The following ATIC variants were observed in gnomAD, a reference collection of about 807,000 sequenced individuals.
The protein encoded by ATIC is bifunctional purine biosynthesis protein ATIC.
Under a neutral mutation model 72.5 loss-of-function variants are expected in ATIC, and 64 were observed. The ratio of observed to expected loss-of-function variants is 0.88; its 90% CI spans 0.72 to 1.09. The LOEUF is 1.09. Among genes scored for constraint, ATIC ranks in the 50% least tolerant of loss-of-function variants. The pLI is 0.00. For missense variants in ATIC, 787 were observed against 732.4 expected, an observed-to-expected ratio of 1.07 and a Z score of -0.86; for synonymous variants, 281 against 267.1, an observed-to-expected ratio of 1.05 and a Z score of -0.51.
chr2:215,343,518 G>A (rs1402237538), intron 12 of ATIC, among the ~76,000 whole-genome samples: 2 of 152,136 alleles, frequency 1.3e-5, no homozygotes, highest in East Asian at 1.9e-4. Context: ...TATATTTTTA[G>A]TAGAGATGGG....
At chr2:215,323,903 C>T (rs2052795396) in intron 4 of ATIC, among the ~76,000 whole-genome samples, 1 of 152,162 alleles carries the variant, frequency 6.6e-6, no homozygotes, top group Admixed American at 6.6e-5. Flanking sequence ...CCTGGGGTTA[C>T]AGGCATGTGC....
intron 2 of ATIC, among the ~76,000 whole-genome samples, chr2:215,316,401 C>T (rs2052709751): frequency 1.3e-5 from 2 of 152,144 alleles, no homozygotes; most frequent in South Asian, 2.1e-4. Flanking sequence ...AGAATCTACC[C>T]AGGAAATTCC....
At chr2:215,339,857 C>T (rs1477173778) in intron 12 of ATIC, among the ~76,000 whole-genome samples, 1 of 152,030 alleles carries the variant, frequency 6.6e-6, no homozygotes, top group Admixed American at 6.6e-5. Flanking sequence ...AGGATGGTCT[C>T]GATCTCCTAA....
downstream of ATIC, among the ~76,000 whole-genome samples, chr2:215,351,841 C>T (rs2053132986): frequency 6.6e-6 from 1 of 152,178 alleles, no homozygotes; most frequent in Admixed American, 6.5e-5. Flanking sequence ...GACACTTTCT[C>T]AGCCAGATGA....
intron 2 of ATIC, among the ~76,000 whole-genome samples, chr2:215,317,020 C>T (rs997629862): frequency 6.6e-6 from 1 of 152,200 alleles, no homozygotes; most frequent in Non-Finnish European, 1.5e-5. Flanking sequence ...GCCTTGGCCT[C>T]CCAAAGTGCT....
chr2:215,361,494 C>A, the ATIC span: 1 of 1,192,194 alleles, frequency 8.4e-7, no homozygotes, highest in Non-Finnish European at 1.3e-6. Context: ...GCTAACATCA[C>A]TCCAGTTTAG....
intron 7 of ATIC, among the ~76,000 whole-genome samples, 187 bp from the exon 8 acceptor site, chr2:215,332,195 T>C (rs1020464359): frequency 6.6e-6 from 1 of 151,754 alleles, no homozygotes; most frequent in African/African-American, 2.4e-5. Context: ...TGTGCATTTT[T>C]TTTAAAGATG....
At chr2:215,365,829 A>G in the ATIC span, 2 of 257,538 alleles carry the variant, frequency 7.8e-6, no homozygotes, top group South Asian at 8.4e-5. Flanking sequence ...TTTTTGAGAC[A>G]AAGTCTTTCT....
intron 1 of ATIC, 120 bp downstream of exon 1, chr2:215,312,281 G>T: frequency 6.9e-7 from 1 of 1,443,706 alleles, no homozygotes; most frequent in Non-Finnish European, 9.1e-7. Context: ...TTGAAAGCCA[G>T]CGTCCCCGCT....
At chr2:215,365,806 ATTTTTT>A in the ATIC span, 3 of 252,026 alleles carry the variant, frequency 1.2e-5, no homozygotes, top group South Asian at 1.0e-4. Context: ...TTTACTTTTT[ATTTTTT>A]TTTTTTTTTT....
chr2:215,329,035 A>C (rs2052861509), intron 7 of ATIC, among the ~76,000 whole-genome samples: 1 of 152,182 alleles, frequency 6.6e-6, no homozygotes, highest in Non-Finnish European at 1.5e-5. Context: ...AGCTTTTGAG[A>C]GCAGAAGCTG....
intron 12 of ATIC, among the ~76,000 whole-genome samples, chr2:215,340,566 T>C (rs62204770): frequency 0.015 from 2,337 of 152,296 alleles, 41 homozygotes; most frequent in Middle Eastern, 0.051. Context: ...CTGGATGGTG[T>C]TATTTTTCTC....
At chr2:215,327,931 T>C (rs999000032) in intron 7 of ATIC, among the ~76,000 whole-genome samples, 3 of 151,690 alleles carry the variant, frequency 2.0e-5, no homozygotes, top group Non-Finnish European at 4.4e-5. Flanking sequence ...GGAGTCTCGC[T>C]CTGTCACCCA....
In ATIC at chr2:215,318,786, A is replaced by G. The variant is rs376190742; in HGVS notation, c.223+553A>G. ...GAAACGCATAGACTGTTCTGGAACT[A>G]GCAACAGTTTTGTAAAATTCCTTTT... On this transcript the variant is annotated intron_variant, in intron 3 of 15. Coordinates refer to ENST00000236959, the MANE Select transcript of ATIC (RefSeq NM_004044.7). Among the ~76,000 whole-genome samples, 34 of 152,340 alleles carry G rather than the reference A, an allele frequency of 2.2e-4. No homozygotes were observed. The South Asian group carries it at 3.9e-3, about 18-fold the overall frequency.
At chr2:215,320,471 T>C (rs1263305645) in intron 4 of ATIC, among the ~76,000 whole-genome samples, 1 of 152,138 alleles carries the variant, frequency 6.6e-6, no homozygotes, top group Non-Finnish European at 1.5e-5. Flanking sequence ...AAGTTTATAA[T>C]CACAGTGGAA....
chr2:215,323,818 A>C (rs2052794434), intron 4 of ATIC, among the ~76,000 whole-genome samples: 2 of 152,102 alleles, frequency 1.3e-5, no homozygotes. Context: ...TTGTTGCCCA[A>C]GGCGGAGTGC....
chr2:215,319,774 G>T, intron 4 of ATIC, 43 bp downstream of exon 4: 1 of 1,475,602 alleles, frequency 6.8e-7, no homozygotes, highest in South Asian at 1.1e-5. Flanking sequence ...ACGAACCAAC[G>T]ACAAAGACTA....
At chr2:215,365,445 GC>G in the ATIC span, 1 of 1,550,060 alleles carries the variant, frequency 6.5e-7, no homozygotes, top group Non-Finnish European at 8.9e-7. Flanking sequence ...GAGAGTTACA[GC>G]CTGATAATGA....
intron 7 of ATIC, among the ~76,000 whole-genome samples, chr2:215,330,712 C>CT (rs111990936): frequency 0.051 from 7,227 of 140,826 alleles, 452 homozygotes; most frequent in African/African-American, 0.15. Context: ...TTTCTCTTTT[C>CT]TTTTTTTTTT....
Sources: gnomAD v4.1 joint callset for allele counts (sites outside exome capture counted in the v4.1 genomes callset) on GRCh38, gnomAD v4.1.1 for gene constraint, MANE v1.5 for transcripts, NCBI Gene and HGNC (gene_info 2026-07-23, HGNC 2026-07-21) for gene names.